The following ANKFN1 variants were observed in gnomAD, a reference collection of about 807,000 sequenced individuals.
ANKFN1 encodes ankyrin repeat and fibronectin type-III domain-containing protein 1.
ANKFN1 carries 74 observed loss-of-function variants against 108.7 expected under a neutral mutation model. That is an observed-to-expected ratio of 0.68 (90% CI 0.56 to 0.83). The LOEUF (loss-of-function observed/expected upper bound fraction) is 0.83, where lower values mean the gene tolerates loss of function less well. Ranked by LOEUF, ANKFN1 falls within the 40% of genes least tolerant of loss-of-function variation. The probability of loss-of-function intolerance (pLI) is 0.00; values close to 1 mark genes in which losing one functional copy is unlikely to be tolerated. For synonymous variants in ANKFN1, 547 were observed against 516.2 expected (o/e 1.06, Z -0.81); for missense variants, 1,505 against 1,382.3 (o/e 1.09, Z -1.41).
At chr17:56,066,971 A>C (rs920097345) in intron 4 of ANKFN1, among the ~76,000 whole-genome samples, 3 of 152,198 alleles carry the variant, frequency 2.0e-5, no homozygotes, top group Admixed American at 1.3e-4. Context: ...CTGGCAGACC[A>C]CCTGAGGTCA....
chr17:56,145,751 T>C (rs1351520884), intron 4 of ANKFN1, among the ~76,000 whole-genome samples: 7 of 152,190 alleles, frequency 4.6e-5, no homozygotes, highest in Non-Finnish European at 8.8e-5. Context: ...AAACCAATCA[T>C]GCGTTCCCAA....
chr17:56,320,713 G>A (rs2045341700), intron 3 of ANKFN1, among the ~76,000 whole-genome samples: 1 of 152,160 alleles, frequency 6.6e-6, no homozygotes, highest in African/African-American at 2.4e-5. Context: ...CCGGTGAGAG[G>A]CTGCTGAGAG....
chr17:56,310,556 G>T (rs1266461198), intron 3 of ANKFN1, among the ~76,000 whole-genome samples: 1 of 151,674 alleles, frequency 6.6e-6, no homozygotes, highest in Non-Finnish European at 1.5e-5. Flanking sequence ...GGCGGAGCTT[G>T]CAGTGAGCCG....
chr17:56,430,745 C>G (rs1481229300), intron 8 of ANKFN1, among the ~76,000 whole-genome samples: 1 of 152,126 alleles, frequency 6.6e-6, no homozygotes, highest in African/African-American at 2.4e-5. Context: ...CTGCTGAGGA[C>G]TATAGTGCCA....
rs1238152131 is a variant in ANKFN1, at chr17:56,498,839, C to T, written c.2428-43C>T. 2.0e-6 allele frequency: 3 copies of T among 1,469,130 alleles called. No homozygotes were observed. In the African/African-American group the frequency reaches 4.2e-5, roughly 21 times the overall value. The allele number at this position is 1,469,130 out of a possible 1,614,324, so 91.0% of individuals were successfully genotyped here. On this transcript the variant is annotated intron_variant, in intron 19 of 20. Coordinates refer to ENST00000682825, the MANE Select transcript of ANKFN1 (RefSeq NM_001370326.1). ...TCAGGGAAATGTATTCCTTTTTAAT[C>T]ACTGCTTGATAACTTAGTGTCTTTT...
At chr17:56,383,760 C>T (rs1018689432) in intron 8 of ANKFN1, among the ~76,000 whole-genome samples, 1 of 152,198 alleles carries the variant, frequency 6.6e-6, no homozygotes, top group East Asian at 1.9e-4. Context: ...GACACATACA[C>T]TCTCCCAAGA....
intron 8 of ANKFN1, among the ~76,000 whole-genome samples, chr17:56,422,030 A>G (rs548242729): frequency 1.7e-3 from 265 of 152,334 alleles, no homozygotes; most frequent in African/African-American, 5.7e-3. Flanking sequence ...CTCATGGGTG[A>G]AATGATGAGT....
At chr17:56,276,112 C>T (rs576745425) in intron 3 of ANKFN1, among the ~76,000 whole-genome samples, 5 of 152,158 alleles carry the variant, frequency 3.3e-5, no homozygotes, top group South Asian at 2.1e-4. Context: ...TGAGAACATG[C>T]GGTGTTTGGT....
intron 4 of ANKFN1, among the ~76,000 whole-genome samples, chr17:56,054,359 T>G (rs988269261): frequency 6.6e-6 from 1 of 152,108 alleles, no homozygotes; most frequent in Admixed American, 6.6e-5. Flanking sequence ...CTCACTCAGG[T>G]TTTGAGATGT....
At position 56,134,204 on chromosome 17, in the gene ANKFN1, T is replaced by C. The variant is rs192550498; in HGVS notation, c.288+87879T>C. 2.6e-5 allele frequency among the ~76,000 whole-genome samples: 4 copies of C among 152,010 alleles called. No individual in the cohort carries two copies. The East Asian group carries it at 7.7e-4, about 29-fold the overall frequency. ...GGTGGGAGAGATATGTAGGGTGAAG[T>C]TGAGAAGGGTCCCAAAGTGCAGGAG... On this transcript the variant is annotated intron_variant, in intron 4 of 12. Transcript: ENST00000635860.
intron 3 of ANKFN1, among the ~76,000 whole-genome samples, chr17:56,314,527 C>A (rs534276295): frequency 6.6e-6 from 1 of 152,090 alleles, no homozygotes; most frequent in East Asian, 1.9e-4. Flanking sequence ...TTTTTATGTG[C>A]TTATTGACCA....
chr17:56,386,466 T>TATA (rs890910206), intron 8 of ANKFN1, among the ~76,000 whole-genome samples: 2 of 151,216 alleles, frequency 1.3e-5, no homozygotes, highest in Non-Finnish European at 2.9e-5. Flanking sequence ...AAACTTAAAG[T>TATA]ATAATAATAA....
At chr17:56,434,698 C>G (rs934980211) in intron 8 of ANKFN1, among the ~76,000 whole-genome samples, 1 of 152,066 alleles carries the variant, frequency 6.6e-6, no homozygotes, top group Non-Finnish European at 1.5e-5. Context: ...AAGTGTTGAG[C>G]GGGTTCATGC....
intron 8 of ANKFN1, among the ~76,000 whole-genome samples, chr17:56,386,820 T>C (rs956676601): frequency 1.3e-5 from 2 of 152,056 alleles, no homozygotes; most frequent in Non-Finnish European, 2.9e-5. Flanking sequence ...GTGGATATCC[T>C]TTATCGGATT....
At chr17:56,249,884 AG>A (rs2043197929) in intron 3 of ANKFN1, among the ~76,000 whole-genome samples, 1 of 152,212 alleles carries the variant, frequency 6.6e-6, no homozygotes, top group Non-Finnish European at 1.5e-5. Context: ...ATGGAGATGT[AG>A]TCACTGGGGC....
chr17:56,371,874 T>A (rs372175549), intron 6 of ANKFN1, among the ~76,000 whole-genome samples: 1 of 152,294 alleles, frequency 6.6e-6, no homozygotes, highest in East Asian at 1.9e-4. Context: ...CTATCACATA[T>A]TGGGTAAAAT....
At chr17:56,453,014 AAC>A (rs1172344076) in intron 11 of ANKFN1, among the ~76,000 whole-genome samples, 2 of 152,264 alleles carry the variant, frequency 1.3e-5, no homozygotes, top group South Asian at 4.1e-4. Context: ...AAGCAGTTAA[AAC>A]AGTTTTATTA....
intron 2 of ANKFN1, among the ~76,000 whole-genome samples, chr17:56,216,447 A>T (rs1037418257): frequency 9.9e-5 from 15 of 152,224 alleles, no homozygotes; most frequent in Non-Finnish European, 1.9e-4. Context: ...GTCGGATCAT[A>T]ATGATGTCAT....
intron 4 of ANKFN1, among the ~76,000 whole-genome samples, chr17:56,348,450 C>T (rs1022312871): frequency 2.0e-5 from 3 of 152,052 alleles, no homozygotes; most frequent in African/African-American, 7.2e-5. Flanking sequence ...GCAAAAGAAA[C>T]TATCATCAGA....
Sources: gnomAD v4.1 joint callset for allele counts (sites outside exome capture counted in the v4.1 genomes callset) on GRCh38, gnomAD v4.1.1 for gene constraint, MANE v1.5 for transcripts, NCBI Gene and HGNC (gene_info 2026-07-23, HGNC 2026-07-21) for gene names.